CLMP: variants seen among roughly 807,000 people sequenced by gnomAD.
CLMP encodes CXADR-like membrane protein.
Under a neutral mutation model 45.2 loss-of-function variants are expected in CLMP, and 27 were observed. The ratio of observed to expected loss-of-function variants is 0.60; its 90% confidence interval spans 0.44 to 0.82. The LOEUF (loss-of-function observed/expected upper bound fraction) is 0.82, where lower values mean the gene tolerates loss of function less well. Among genes scored for constraint, CLMP ranks in the 40% least tolerant of loss-of-function variants. The probability of loss-of-function intolerance (pLI) is 0.00; values close to 1 mark genes in which losing one functional copy is unlikely to be tolerated. For missense variants in CLMP, 403 were observed against 448.4 expected (o/e 0.90, Z 0.91); for synonymous variants, 167 against 171.4 (o/e 0.97, Z 0.20).
chr11:123,122,025 A>G (rs1261896611), intron 1 of CLMP, among the ~76,000 whole-genome samples: 1 of 152,126 alleles, frequency 6.6e-6, no homozygotes, highest in Non-Finnish European at 1.5e-5. Flanking sequence ...ATTGGGAACC[A>G]CTGTGTCTGG....
intron 1 of CLMP, among the ~76,000 whole-genome samples, chr11:123,176,032 T>C (rs1456863189): frequency 1.3e-5 from 2 of 152,226 alleles, no homozygotes; most frequent in Admixed American, 6.5e-5. Flanking sequence ...ATATAGATGA[T>C]GTAATCTGCA....
intron 1 of CLMP, among the ~76,000 whole-genome samples, chr11:123,181,421 C>T (rs2135547982): frequency 6.6e-6 from 1 of 152,342 alleles, no homozygotes; most frequent in Middle Eastern, 3.4e-3. Flanking sequence ...TTGCTTTCGC[C>T]TCATGGTAGA....
intron 1 of CLMP, among the ~76,000 whole-genome samples, chr11:123,119,728 T>C (rs182114364): frequency 6.6e-6 from 1 of 152,020 alleles, no homozygotes; most frequent in Admixed American, 6.6e-5. Flanking sequence ...GCTTTGTTGC[T>C]CAGACTGGAG....
At chr11:123,103,170 G>A (rs1860477491) in intron 1 of CLMP, among the ~76,000 whole-genome samples, 1 of 152,078 alleles carries the variant, frequency 6.6e-6, no homozygotes, top group Non-Finnish European at 1.5e-5. Context: ...GAATAGCTGG[G>A]AAATTCACTG....
intron 1 of CLMP, among the ~76,000 whole-genome samples, chr11:123,106,959 G>C (rs971388900): frequency 2.0e-5 from 3 of 151,544 alleles, no homozygotes; most frequent in African/African-American, 7.3e-5. Flanking sequence ...GGCGGAGCTT[G>C]CAGTGAGCCG....
At position 123,097,798 on chromosome 11, in the gene CLMP, T is replaced by C; in HGVS notation, c.183A>G (p.Lys61=). 2 of 1,587,738 alleles carry C rather than the reference T, an allele frequency of 1.3e-6. No individual in the cohort carries two copies. The highest frequency in any genetic ancestry group is 1.7e-6 in the Non-Finnish European group (2 of 1,165,732). ...CTCCAGCCAGGTGTCTACTTACCAC[T>C]TTTTGGTTCCCTTCATTATCGGTGA... ...WLLTDNEGNQ[K]VVITYSSRHV... is the part of the protein sequence containing the mutation. The change falls in exon 2 of 7, where the codon AAA becomes AAG. Residue 61 remains lysine (K), a synonymous_variant. Transcript: ENST00000448775.
At chr11:123,079,154 C>T (rs1271140144) in intron 5 of CLMP, among the ~76,000 whole-genome samples, 1 of 152,162 alleles carries the variant, frequency 6.6e-6, no homozygotes, top group Non-Finnish European at 1.5e-5. Flanking sequence ...GTACACTTAT[C>T]CTTCTTCTTT....
chr11:123,174,994 C>T (rs776230442), intron 1 of CLMP, among the ~76,000 whole-genome samples: 11 of 152,276 alleles, frequency 7.2e-5, no homozygotes, highest in South Asian at 2.1e-4. Flanking sequence ...CGTTCTGTCA[C>T]GCCAGCTGGA....
chr11:123,126,512 C>T (rs1021756104), intron 1 of CLMP, among the ~76,000 whole-genome samples: 2 of 152,140 alleles, frequency 1.3e-5, no homozygotes, highest in Non-Finnish European at 2.9e-5. Flanking sequence ...CCAGCCTCAG[C>T]GTTTCAGTGT....
rs569118342 is a variant in CLMP, at chr11:123,074,882, G to A, written c.680-39C>T. 31 of 1,600,228 alleles carry A rather than the reference G, an allele frequency of 1.9e-5. No homozygotes were observed. The African/African-American group carries it at 2.2e-4, about 11-fold the overall frequency. On this transcript the variant is annotated intron_variant, in intron 5 of 6. Coordinates refer to ENST00000448775, the MANE Select transcript of CLMP (RefSeq NM_024769.5). ...AGCAAAAGCACAAGTAAAACCAAAC[G>A]TAAGCTAGGAAATATGTTATTAACT...
intron 1 of CLMP, among the ~76,000 whole-genome samples, chr11:123,190,492 A>C (rs565693338): frequency 6.6e-6 from 1 of 152,350 alleles, no homozygotes; most frequent in East Asian, 1.9e-4. Context: ...TTTACAAAGG[A>C]GAAAACTAAG....
At chr11:123,152,563 T>TA (rs776169616) in intron 1 of CLMP, among the ~76,000 whole-genome samples, 2 of 149,960 alleles carry the variant, frequency 1.3e-5, no homozygotes, top group African/African-American at 2.5e-5. Context: ...AATAAATAAA[T>TA]AAAAAATAAA....
At chr11:123,157,768 G>A (rs947039007) in intron 1 of CLMP, among the ~76,000 whole-genome samples, 32 of 150,738 alleles carry the variant, frequency 2.1e-4, no homozygotes, top group African/African-American at 6.3e-4. Context: ...GGCCCAAAGT[G>A]GAGTTACCGG....
chr11:123,146,404 CTCT>C (rs1304721066), intron 1 of CLMP, among the ~76,000 whole-genome samples: 2 of 152,116 alleles, frequency 1.3e-5, no homozygotes, highest in Non-Finnish European at 2.9e-5. Flanking sequence ...TAAATATTGG[CTCT>C]TATTATTTCC....
chr11:123,142,715 T>C (rs939810784), intron 1 of CLMP, among the ~76,000 whole-genome samples: 3 of 134,992 alleles, frequency 2.2e-5, no homozygotes, highest in Admixed American at 7.5e-5. Flanking sequence ...CAAGCTCCGC[T>C]TCCCGGGTTC....
chr11:123,186,723 A>T (rs1307201874), intron 1 of CLMP, among the ~76,000 whole-genome samples: 1 of 152,106 alleles, frequency 6.6e-6, no homozygotes, highest in African/African-American at 2.4e-5. Context: ...GGGTTTCGCC[A>T]TGTTGGCCAG....
intron 1 of CLMP, among the ~76,000 whole-genome samples, chr11:123,160,117 A>G (rs945092427): frequency 5.3e-5 from 8 of 151,754 alleles, no homozygotes; most frequent in Admixed American, 1.3e-4. Context: ...TGTCTCTACT[A>G]AAAAATACGA....
chr11:123,160,105 C>G (rs944308318), intron 1 of CLMP, among the ~76,000 whole-genome samples: 2 of 151,496 alleles, frequency 1.3e-5, no homozygotes, highest in African/African-American at 2.4e-5. Context: ...ATGGTGAAAC[C>G]CTGTCTCTAC....
At chr11:123,182,399 A>G (rs1184967459) in intron 1 of CLMP, among the ~76,000 whole-genome samples, 1 of 152,028 alleles carries the variant, frequency 6.6e-6, no homozygotes, top group East Asian at 1.9e-4. Context: ...TCTGGGTTAG[A>G]CTCTTGCAGC....
Sources: allele counts gnomAD v4.1 joint callset (sites outside exome capture counted in the v4.1 genomes callset), GRCh38; gene constraint gnomAD v4.1.1; transcripts MANE v1.5; gene names NCBI Gene and HGNC (gene_info 2026-07-23, HGNC 2026-07-21).